Variants in HBS1L observed in about 807,000 individuals in gnomAD.
HBS1L encodes the protein HBS1 like translational GTPase.
A neutral mutation model predicts 88.9 loss-of-function variants in HBS1L; 55 were observed. The observed-to-expected ratio is 0.62, with a 90% CI of 0.50 to 0.77. The LOEUF is 0.77. Among genes scored for constraint, HBS1L ranks in the 30% least tolerant of loss-of-function variants. The probability of loss-of-function intolerance (pLI) is 0.00; values close to 1 mark genes in which losing one functional copy is unlikely to be tolerated. For missense variants in HBS1L, 741 were observed against 829.3 expected (o/e 0.89, Z 1.31); for synonymous variants, 267 against 288.5 (o/e 0.93, Z 0.76).
rs140246890 is a variant in HBS1L, at chr6:135,048,275, G to A, written c.109+2307C>T. Among the ~76,000 whole-genome samples, 383 of 152,148 alleles carry A rather than the reference G, an allele frequency of 2.5e-3. 2 individuals carry two copies. The highest frequency in any genetic ancestry group is 8.6e-3 in the African/African-American group (358 of 41,502). On this transcript the variant is annotated intron_variant, in intron 2 of 17. Coordinates refer to ENST00000367837, the MANE Select transcript of HBS1L (RefSeq NM_006620.4). Reference sequence around the variant, plus strand: ...CTTCCAGTAACTGCAATTAATATCCGTTTTCAGTTTTTCCAAAACTCCCAG... The same window carrying A: ...CTTCCAGTAACTGCAATTAATATCCATTTTCAGTTTTTCCAAAACTCCCAG...
At chr6:135,007,820 A>G (rs1262194530) in intron 4 of HBS1L, among the ~76,000 whole-genome samples, 1 of 152,222 alleles carries the variant, frequency 6.6e-6, no homozygotes, top group African/African-American at 2.4e-5. Context: ...ATCCCAAGAA[A>G]TTGAACACTA....
At chr6:135,008,957 T>C (rs967100725) in intron 4 of HBS1L, among the ~76,000 whole-genome samples, 4 of 152,154 alleles carry the variant, frequency 2.6e-5, no homozygotes, top group Non-Finnish European at 4.4e-5. Flanking sequence ...ATTGTCTTTA[T>C]AAGTTATCTT....
At chr6:134,966,303 TAATG>T (rs1562270042) in intron 17 of HBS1L, 22 bp downstream of exon 17, 1 of 1,594,174 alleles carries the variant, frequency 6.3e-7, no homozygotes, top group Non-Finnish European at 8.6e-7. Context: ...TATGGATATA[TAATG>T]AGTCACTTTA....
chr6:134,980,635 T>A (rs189564391), intron 13 of HBS1L, among the ~76,000 whole-genome samples: 9 of 152,000 alleles, frequency 5.9e-5, no homozygotes, highest in Admixed American at 4.6e-4. Context: ...TGGTTCTTCT[T>A]CCCCTCAATC....
At chr6:134,984,127 A>G (rs1774912379) in intron 12 of HBS1L, among the ~76,000 whole-genome samples, 1 of 152,176 alleles carries the variant, frequency 6.6e-6, no homozygotes, top group South Asian at 2.1e-4. Context: ...CAGTCAGCAA[A>G]CACTGTTAAT....
chr6:135,018,755 A>G (rs1775992202), intron 4 of HBS1L, among the ~76,000 whole-genome samples: 1 of 151,932 alleles, frequency 6.6e-6, no homozygotes, highest in South Asian at 2.1e-4. Context: ...TGAAAACAGT[A>G]TACAACCTTC....
intron 8 of HBS1L, among the ~76,000 whole-genome samples, chr6:134,991,752 T>C (rs140539129): frequency 6.6e-4 from 100 of 152,312 alleles, no homozygotes; most frequent in South Asian, 1.5e-3. Flanking sequence ...AATATCCTTT[T>C]TGGTTAACAA....
At chr6:135,015,775 G>C (rs773023904) in intron 4 of HBS1L, among the ~76,000 whole-genome samples, 1 of 151,676 alleles carries the variant, frequency 6.6e-6, no homozygotes, top group African/African-American at 2.4e-5. Context: ...TAGACATGGG[G>C]TTTCGCTGTG....
chr6:135,028,443 G>A (rs2114873921), intron 4 of HBS1L, among the ~76,000 whole-genome samples: 1 of 152,126 alleles, frequency 6.6e-6, no homozygotes, highest in East Asian at 1.9e-4. Context: ...GTTTTTCTAA[G>A]AAAATTAAAA....
At position 134,964,953 on chromosome 6, in the gene HBS1L, CAGA is replaced by C; in HGVS notation, c.*323_*325del. 2.9e-6 allele frequency: 1 copy of C among 343,872 alleles called. No individual in the cohort carries two copies. Among genetic ancestry groups the C allele is most frequent in the South Asian group, 3.4e-5 (1 of 29,068 alleles). The allele number at this position is 343,872 out of a possible 1,614,324, so 21.3% of individuals were successfully genotyped here. ...AACTGCAAATACATTGTGCTTTGGC[CAGA>C]AGTAGAGTTCATTTCATGATGATTC... On this transcript the variant is annotated 3_prime_UTR_variant, in exon 18 of 18. Transcript: ENST00000367837.
At chr6:135,012,030 G>C (rs1205360489) in intron 4 of HBS1L, among the ~76,000 whole-genome samples, 1 of 151,754 alleles carries the variant, frequency 6.6e-6, no homozygotes, top group Non-Finnish European at 1.5e-5. Flanking sequence ...CAGAGGAAAG[G>C]GGAAAAAAAA....
At chr6:135,025,491 T>C (rs1776201093) in intron 4 of HBS1L, among the ~76,000 whole-genome samples, 1 of 104,186 alleles carries the variant, frequency 9.6e-6, no homozygotes, top group Non-Finnish European at 1.9e-5. Context: ...TCACTGCTTC[T>C]GTTTTGCCTC....
chr6:134,978,269 C>G (rs1028063805), intron 15 of HBS1L, among the ~76,000 whole-genome samples: 1 of 151,928 alleles, frequency 6.6e-6, no homozygotes, highest in African/African-American at 2.4e-5. Context: ...CAATCTATAA[C>G]TTTTATTATC....
intron 3 of HBS1L, 44 bp downstream of exon 3, chr6:135,041,957 C>T: frequency 1.3e-6 from 2 of 1,576,868 alleles, no homozygotes; most frequent in South Asian, 1.1e-5. Context: ...TGTATTTGGT[C>T]ATTAATCACT....
In HBS1L at chr6:134,976,935, G is replaced by A. The variant is rs112619512; in HGVS notation, c.1797+1744C>T. Among the ~76,000 whole-genome samples the A allele has an allele frequency of 3.8e-3, 574 of 151,854 alleles. 2 individuals carry two copies. Among genetic ancestry groups the A allele is most frequent in the Non-Finnish European group, 6.8e-3 (462 of 67,850 alleles). On this transcript the variant is annotated intron_variant, in intron 15 of 17. Coordinates refer to ENST00000367837, the MANE Select transcript of HBS1L (RefSeq NM_006620.4). ...ATTGACAAATAAATAAAAAACAAAG[G>A]AAAAAATTACTTGTACCCAAAAGCT...
At chr6:134,999,502 C>T (rs992733967) in intron 5 of HBS1L, among the ~76,000 whole-genome samples, 2 of 136,098 alleles carry the variant, frequency 1.5e-5, no homozygotes, top group Non-Finnish European at 3.0e-5. Context: ...GGCTGGAGTG[C>T]AATGGTGCGA....
intron 2 of HBS1L, among the ~76,000 whole-genome samples, chr6:135,045,200 C>A (rs1199929959): frequency 1.3e-5 from 2 of 151,994 alleles, no homozygotes; most frequent in Non-Finnish European, 2.9e-5. Flanking sequence ...GTACTGAGAG[C>A]CCCAAAAGCA....
chr6:135,015,114 G>A (rs1775883538), intron 4 of HBS1L, among the ~76,000 whole-genome samples: 1 of 152,036 alleles, frequency 6.6e-6, no homozygotes, highest in South Asian at 2.1e-4. Context: ...AGGTTTACAG[G>A]AATGTTTACC....
intron 8 of HBS1L, among the ~76,000 whole-genome samples, chr6:134,989,747 T>C (rs895242063): frequency 2.0e-5 from 3 of 152,218 alleles, no homozygotes; most frequent in Admixed American, 6.5e-5. Context: ...TTAAGTGCCA[T>C]CTTCACTTCC....
Sources: gnomAD v4.1 joint callset for allele counts (sites outside exome capture counted in the v4.1 genomes callset) on GRCh38, gnomAD v4.1.1 for gene constraint, MANE v1.5 for transcripts, NCBI Gene and HGNC (gene_info 2026-07-23, HGNC 2026-07-21) for gene names.